GSE1: variants seen among roughly 807,000 people sequenced by gnomAD.
GSE1 encodes the protein genetic suppressor element 1.
A neutral mutation model predicts 112.6 loss-of-function variants in GSE1; 32 were observed. The observed-to-expected ratio is 0.28, with a 90% CI of 0.21 to 0.38. The LOEUF (loss-of-function observed/expected upper bound fraction) is 0.38. GSE1 is among the 10% of genes least tolerant of loss of function. The pLI is 1.00. For missense variants in GSE1, 2,348 were observed against 1,699.2 expected (o/e 1.38, Z -6.71); for synonymous variants, 1,115 against 735.6 (o/e 1.52, Z -8.35).
At chr16:85,388,481 T>C in intron 2 of GSE1, among the ~76,000 whole-genome samples, 1 of 60,632 alleles carries the variant, frequency 1.6e-5, no homozygotes, top group African/African-American at 6.2e-5. Context: ...GATGGGTGGG[T>C]GGGTGGGTGG....
intron 1 of GSE1, among the ~76,000 whole-genome samples, chr16:85,309,973 G>A (rs1418723937): frequency 2.6e-5 from 4 of 152,210 alleles, no homozygotes; most frequent in Non-Finnish European, 2.9e-5. Context: ...GCGGGGTCAC[G>A]GCTGTGCTTT....
At chr16:85,494,887 A>G (rs1336547250) in intron 2 of GSE1, among the ~76,000 whole-genome samples, 1 of 152,238 alleles carries the variant, frequency 6.6e-6, no homozygotes, top group African/African-American at 2.4e-5. Context: ...CCACACAGAA[A>G]GGAGGTGCCG....
chr16:85,326,704 G>A (rs953380293), intron 1 of GSE1, among the ~76,000 whole-genome samples: 13 of 152,118 alleles, frequency 8.5e-5, no homozygotes, highest in African/African-American at 2.7e-4. Flanking sequence ...CGGATATTTC[G>A]CCATAGCAGC....
chr16:85,654,338 C>A lies in GSE1; in HGVS notation c.487C>A (p.Pro163Thr). 1 of 1,612,218 alleles carries A rather than the reference C, an allele frequency of 6.2e-7. No homozygotes were observed. Among genetic ancestry groups the A allele is most frequent in the Non-Finnish European group, 8.5e-7 (1 of 1,179,762 alleles). The change falls in exon 4 of 16, where the codon CCT becomes ACT. Residue 163 changes from proline to threonine, a missense_variant. By Grantham distance (38) the Pro-to-Thr change is conservative. Coordinates refer to ENST00000253458, the MANE Select transcript of GSE1 (RefSeq NM_014615.5). Reference sequence around the variant, plus strand: ...ACGCCTCATTGTGGAGCCCCCGCTCCCTCAGGAGAAGGCAGGGGGACCAGC... The same window carrying A: ...ACGCCTCATTGTGGAGCCCCCGCTCACTCAGGAGAAGGCAGGGGGACCAGC... ...RERLIVEPPLPQEKAGGPAIP... is the reference protein window; with the variant it reads ...RERLIVEPPLTQEKAGGPAIP...
intron 1 of GSE1, among the ~76,000 whole-genome samples, chr16:85,310,044 C>G (rs773934618): frequency 2.6e-5 from 4 of 152,262 alleles, no homozygotes; most frequent in Non-Finnish European, 5.9e-5. Context: ...TCAGTCGGCC[C>G]GAGCCCAGGC....
At chr16:85,371,236 C>G (rs1386301336) in intron 2 of GSE1, among the ~76,000 whole-genome samples, 1 of 152,214 alleles carries the variant, frequency 6.6e-6, no homozygotes, top group Non-Finnish European at 1.5e-5. Context: ...CCAGGCAGTG[C>G]TCATGGACCA....
At chr16:85,251,590 G>T (rs1906489910) in intron 1 of GSE1, among the ~76,000 whole-genome samples, 1 of 152,262 alleles carries the variant, frequency 6.6e-6, no homozygotes. Flanking sequence ...CCCTGGGCAG[G>T]GGCTGGGCCC....
chr16:85,449,201 GC>G (rs1393583741), intron 2 of GSE1, among the ~76,000 whole-genome samples: 17 of 152,198 alleles, frequency 1.1e-4, no homozygotes, highest in Admixed American at 9.2e-4. Flanking sequence ...CTCTAATGGT[GC>G]CCGTTTCACC....
exon 1 of GSE1, chr16:85,171,657 C>G (rs1375229312): frequency 1.1e-5 from 11 of 985,522 alleles, no homozygotes; most frequent in African/African-American, 1.7e-5. Flanking sequence ...TCCTATACAC[C>G]CTGCGAGCAA....
chr16:85,250,300 G>T lies in GSE1; in HGVS notation c.2283+78493G>T, dbSNP rs879712492. 9.2e-5 allele frequency among the ~76,000 whole-genome samples: 14 copies of T among 152,210 alleles called. 1 individual carries two copies. Among genetic ancestry groups the T allele is most frequent in the African/African-American group, 3.4e-4 (14 of 41,448 alleles). On this transcript the variant is annotated intron_variant, in intron 1 of 2. Coordinates refer to the GSE1 transcript ENST00000637419. Reference sequence around the variant, plus strand: ...GGTTCCCGGCAGAGGTTCTCGTGGCGCCCTGTTTGCGCCAGCAGTGCACCC... The same window carrying T: ...GGTTCCCGGCAGAGGTTCTCGTGGCTCCCTGTTTGCGCCAGCAGTGCACCC...
At chr16:85,633,045 G>A (rs1029748713) in intron 1 of GSE1, among the ~76,000 whole-genome samples, 19 of 151,408 alleles carry the variant, frequency 1.3e-4, no homozygotes, top group African/African-American at 3.7e-4. Context: ...ACCACTGGCC[G>A]GGAGGGCCAG....
intron 1 of GSE1, among the ~76,000 whole-genome samples, chr16:85,334,497 C>G (rs540667631): frequency 6.6e-6 from 1 of 152,382 alleles, no homozygotes; most frequent in African/African-American, 2.4e-5. Context: ...TGCGTTTCCT[C>G]TCTCCTGTCT....
rs954109166 is a variant in GSE1, at chr16:85,375,831, C to T, written c.2464+18188C>T. 9.9e-5 allele frequency among the ~76,000 whole-genome samples: 15 copies of T among 152,252 alleles called. No individual in the cohort carries two copies. In the East Asian group the frequency reaches 2.7e-3, roughly 27 times the overall value. Reference sequence around the variant, plus strand: ...TCTCTCCCCTTCACCAAGTGAGATACTGGAAGGGAAAGAACATGTATTAAG... The same window carrying T: ...TCTCTCCCCTTCACCAAGTGAGATATTGGAAGGGAAAGAACATGTATTAAG... On this transcript the variant is annotated intron_variant, in intron 2 of 2. Coordinates refer to the GSE1 transcript ENST00000637419.
At chr16:85,597,683 C>A (rs1451766302) in intron 1 of GSE1, among the ~76,000 whole-genome samples, 1 of 152,146 alleles carries the variant, frequency 6.6e-6, no homozygotes, top group African/African-American at 2.4e-5. Flanking sequence ...GTTGCCTAGA[C>A]TGGTCTCAAA....
At chr16:85,468,378 G>A (rs1418924198) in intron 2 of GSE1, among the ~76,000 whole-genome samples, 3 of 144,488 alleles carry the variant, frequency 2.1e-5, no homozygotes, top group Non-Finnish European at 4.5e-5. Context: ...GTGCGGTGAC[G>A]CGACCTTAAC....
At chr16:85,614,974 G>A (rs192150377) in intron 1 of GSE1, among the ~76,000 whole-genome samples, 12 of 152,346 alleles carry the variant, frequency 7.9e-5, no homozygotes, top group African/African-American at 2.9e-4. Context: ...TCTTGGTGGG[G>A]GCGTTGTGAA....
At position 85,655,846 on chromosome 16, in the gene GSE1, C is replaced by T. The variant is rs2151929128; in HGVS notation, c.918C>T (p.Tyr306=). The T allele has an allele frequency of 6.2e-7, 1 of 1,610,234 alleles. No homozygotes were observed. Among genetic ancestry groups the T allele is most frequent in the South Asian group, 1.1e-5 (1 of 91,086 alleles). Residue 306 remains tyrosine, a synonymous_variant, in exon 6 of 16, where the codon TAC becomes TAT. Coordinates refer to ENST00000253458, the MANE Select transcript of GSE1 (RefSeq NM_014615.5). ...ACCTGCACCTCTCTGGGGTCCGCTACCCTCCCGAGCTCTCCCACTCATCCC... is the reference window on the plus strand; with the variant it reads ...ACCTGCACCTCTCTGGGGTCCGCTATCCTCCCGAGCTCTCCCACTCATCCC... ...AMHLHLSGVR[Y]PPELSHSSLA...
Position 85,506,738 on chromosome 16 carries a change from GTCAT to G in GSE1, c.2465-127151_2465-127148del, listed in dbSNP as rs551939045. 2.9e-4 allele frequency among the ~76,000 whole-genome samples: 43 copies of G among 146,292 alleles called. No homozygotes were observed. The East Asian group carries it at 8.6e-3, about 29-fold the overall frequency. On this transcript the variant is annotated intron_variant, in intron 2 of 2. Transcript: ENST00000637419. ...GTCGATTAGCCCTGTGCCAGCCACT[GTCAT>G]TCATTCATTCATTCATTCATTCATC...
chr16:85,672,702 A>C lies in GSE1; in HGVS notation c.*163A>C, dbSNP rs778407150. 7.3e-5 allele frequency: 34 copies of C among 463,004 alleles called. No homozygotes were observed. Among genetic ancestry groups the C allele is most frequent in the Non-Finnish European group, 1.2e-4 (33 of 267,160 alleles). The allele number at this position is 463,004 out of a possible 1,614,324, so 28.7% of individuals were successfully genotyped here. On this transcript the variant is annotated 3_prime_UTR_variant, in exon 16 of 16. Coordinates refer to ENST00000253458, the MANE Select transcript of GSE1 (RefSeq NM_014615.5). ...GGCTCCAGAAAAAATGAATGAACTC[A>C]CCTTGACGTCAATGCAATTGAATCA...
Sources: allele counts gnomAD v4.1 joint callset (sites outside exome capture counted in the v4.1 genomes callset), GRCh38; gene constraint gnomAD v4.1.1; transcripts MANE v1.5; gene names NCBI Gene and HGNC (gene_info 2026-07-23, HGNC 2026-07-21).